The following GRK5 variants were observed in gnomAD, a reference collection of about 807,000 sequenced individuals.
GRK5 encodes G protein-coupled receptor kinase 5.
Under a neutral mutation model 78.4 loss-of-function variants are expected in GRK5, and 40 were observed. The observed-to-expected ratio is 0.51, with a 90% confidence interval of 0.40 to 0.66. The LOEUF is 0.66. Ranked by LOEUF, GRK5 falls within the 30% of genes least tolerant of loss-of-function variation. The probability of loss-of-function intolerance (pLI) is 0.00; values close to 1 mark genes in which losing one functional copy is unlikely to be tolerated. For missense variants in GRK5, 598 were observed against 759.9 expected (o/e 0.79, Z 2.50); for synonymous variants, 289 against 296.8 (o/e 0.97, Z 0.27).
chr10:119,245,270 C>G (rs1849089588), intron 1 of GRK5, among the ~76,000 whole-genome samples: 1 of 151,610 alleles, frequency 6.6e-6, no homozygotes, highest in South Asian at 2.1e-4. Context: ...GAGCAAGACT[C>G]TTTCTTAAAA....
chr10:119,318,775 C>T (rs1428123210), intron 1 of GRK5, among the ~76,000 whole-genome samples: 2 of 152,102 alleles, frequency 1.3e-5, no homozygotes, highest in African/African-American at 4.8e-5. Context: ...TTCTGTTCTC[C>T]ACACCGGTTC....
chr10:119,325,946 C>T (rs1481934024), intron 1 of GRK5, among the ~76,000 whole-genome samples: 1 of 152,220 alleles, frequency 6.6e-6, no homozygotes, highest in African/African-American at 2.4e-5. Context: ...GCGGGCCCCT[C>T]AGGAGTCCCT....
intron 2 of GRK5, among the ~76,000 whole-genome samples, chr10:119,368,249 G>T (rs1327450146): frequency 2.6e-5 from 4 of 152,252 alleles, no homozygotes; most frequent in African/African-American, 9.6e-5. Context: ...AAGACTCCCA[G>T]ATTTCCTGAA....
intron 1 of GRK5, among the ~76,000 whole-genome samples, chr10:119,214,892 T>C (rs1403526842): frequency 6.6e-6 from 1 of 152,146 alleles, no homozygotes; most frequent in Non-Finnish European, 1.5e-5. Context: ...GACCCTTTGG[T>C]TGAGGAATGA....
At chr10:119,208,870 T>C (rs1025032621) in intron 1 of GRK5, among the ~76,000 whole-genome samples, 1 of 152,158 alleles carries the variant, frequency 6.6e-6, no homozygotes, top group Non-Finnish European at 1.5e-5. Flanking sequence ...CATGTAAACA[T>C]ATGTATTTAG....
chr10:119,261,966 GA>G (rs1235919295), intron 1 of GRK5, among the ~76,000 whole-genome samples: 3 of 152,160 alleles, frequency 2.0e-5, no homozygotes, highest in Non-Finnish European at 4.4e-5. Context: ...TTAAAAATGG[GA>G]AATATCAGTA....
At chr10:119,330,915 G>A (rs1236680170) in intron 2 of GRK5, among the ~76,000 whole-genome samples, 1 of 152,166 alleles carries the variant, frequency 6.6e-6, no homozygotes, top group African/African-American at 2.4e-5. Context: ...CAGCTACTCA[G>A]GAGGCTGAGG....
intron 1 of GRK5, among the ~76,000 whole-genome samples, chr10:119,256,886 T>C (rs1849295093): frequency 6.6e-6 from 1 of 152,246 alleles, no homozygotes; most frequent in South Asian, 2.1e-4. Flanking sequence ...TAGCGATCAC[T>C]TCCCACTTGC....
At chr10:119,420,665 A>ACCT (rs1268262819) in intron 4 of GRK5, among the ~76,000 whole-genome samples, 2 of 149,956 alleles carry the variant, frequency 1.3e-5, no homozygotes, top group African/African-American at 4.9e-5. Context: ...TGCAGCCTCG[A>ACCT]CCTCTTGGGT....
chr10:119,290,305 C>A (rs1461289533), intron 1 of GRK5, among the ~76,000 whole-genome samples: 4 of 145,290 alleles, frequency 2.8e-5, no homozygotes, highest in African/African-American at 1.0e-4. Flanking sequence ...TGAGATCATG[C>A]CGCTGCATTC....
chr10:119,269,162 T>C (rs1033212210), intron 1 of GRK5, among the ~76,000 whole-genome samples: 3 of 152,212 alleles, frequency 2.0e-5, no homozygotes, highest in African/African-American at 7.2e-5. Context: ...AACCAGCATC[T>C]TTTCTAAACA....
chr10:119,297,317 G>T (rs1205878591), intron 1 of GRK5, among the ~76,000 whole-genome samples: 1 of 152,226 alleles, frequency 6.6e-6, no homozygotes, highest in Admixed American at 6.5e-5. Flanking sequence ...TGTTAGTGCA[G>T]TTGTTCCCAT....
At chr10:119,211,535 C>G (rs149866243) in intron 1 of GRK5, 1 of 152,152 alleles carries the variant, frequency 6.6e-6, no homozygotes, top group Non-Finnish European at 1.5e-5. Flanking sequence ...TGCAAGGCCC[C>G]GCTTTTCCTT....
At chr10:119,272,486 G>A (rs1372330650) in intron 1 of GRK5, among the ~76,000 whole-genome samples, 1 of 149,132 alleles carries the variant, frequency 6.7e-6, no homozygotes, top group Non-Finnish European at 1.5e-5. Flanking sequence ...TGAGGTAGGA[G>A]AATCACCTAA....
intron 1 of GRK5, among the ~76,000 whole-genome samples, chr10:119,292,139 TCTC>T (rs1173865199): frequency 2.7e-4 from 1 of 3,690 alleles, no homozygotes; most frequent in African/African-American, 1.0e-3. Flanking sequence ...TCTTCCTCCT[TCTC>T]CTCCTCTTCC....
At chr10:119,289,441 A>G (rs1849913248) in intron 1 of GRK5, among the ~76,000 whole-genome samples, 1 of 152,194 alleles carries the variant, frequency 6.6e-6, no homozygotes, top group Non-Finnish European at 1.5e-5. Context: ...TGGGCAGGCT[A>G]GGAGGCCGCA....
At chr10:119,401,030 C>A (rs77720443) in intron 4 of GRK5, among the ~76,000 whole-genome samples, 1 of 152,094 alleles carries the variant, frequency 6.6e-6, no homozygotes, top group Non-Finnish European at 1.5e-5. Flanking sequence ...TCTGTGTCCC[C>A]GCCCCAGCAT....
At chr10:119,320,946 C>T (rs1357112531) in intron 1 of GRK5, among the ~76,000 whole-genome samples, 1 of 152,252 alleles carries the variant, frequency 6.6e-6, no homozygotes, top group African/African-American at 2.4e-5. Flanking sequence ...GGAATTTTTA[C>T]AGTGGCATGG....
In GRK5 at chr10:119,430,576, G is replaced by A. The variant is rs1223847315; in HGVS notation, c.597+138G>A. Reference sequence around the variant, plus strand: ...GCTCAATGTGGGCCCCGGGGGCAGTGAGGGTGGGAGAGAGTCAGTGGCCTT... The same window carrying A: ...GCTCAATGTGGGCCCCGGGGGCAGTAAGGGTGGGAGAGAGTCAGTGGCCTT... On this transcript the variant is annotated intron_variant, in intron 7 of 15. Transcript: ENST00000392870. This position sits in a 1 kb window ranked among gnomAD's most constrained non-coding sequence, Gnocchi z 4.5. 7 of 670,252 alleles carry A rather than the reference G, an allele frequency of 1.0e-5. No individual in the cohort carries two copies. In the Admixed American group the frequency reaches 2.0e-4, roughly 19 times the overall value. 41.5% of individuals were successfully genotyped at this position (670,252 alleles called of 1,614,324 possible).
Sources: allele counts gnomAD v4.1 joint callset (sites outside exome capture counted in the v4.1 genomes callset), GRCh38; gene constraint gnomAD v4.1.1; non-coding constraint Gnocchi (gnomAD v3.1); transcripts MANE v1.5; gene names NCBI Gene and HGNC (gene_info 2026-07-23, HGNC 2026-07-21).